Variants in PSMF1 observed in about 807,000 individuals in gnomAD.
The protein encoded by PSMF1 is proteasome inhibitor PI31 subunit.
In PSMF1, 30 loss-of-function variants were observed where a neutral mutation model predicts 29.3. The ratio of observed to expected loss-of-function variants is 1.02; its 90% CI spans 0.77 to 1.39. PSMF1 has a LOEUF of 1.39. PSMF1 is among the 40% of genes most tolerant of loss of function. The pLI, the probability that PSMF1 is intolerant of heterozygous loss-of-function variation, is 0.00. For synonymous variants in PSMF1, 134 were observed against 139.7 expected, an observed-to-expected ratio of 0.96 and a Z score of 0.29; for missense variants, 344 against 357.5, an observed-to-expected ratio of 0.96 and a Z score of 0.31.
chr20:1,123,334 A>C (rs2086113982), intron 1 of PSMF1, among the ~76,000 whole-genome samples: 1 of 151,598 alleles, frequency 6.6e-6, no homozygotes, highest in Non-Finnish European at 1.5e-5. Flanking sequence ...TGTCTTTTCC[A>C]TTTTCTTCAT....
At chr20:1,147,979 T>C (rs74871431) in intron 4 of PSMF1, among the ~76,000 whole-genome samples, 4,910 of 152,324 alleles carry the variant, frequency 0.032, 117 homozygotes, top group Non-Finnish European at 0.045. Flanking sequence ...AGCAGAAATA[T>C]CAGCCTCTGC....
At chr20:1,155,497 A>T (rs1178004086) in intron 4 of PSMF1, among the ~76,000 whole-genome samples, 1 of 152,208 alleles carries the variant, frequency 6.6e-6, no homozygotes, top group Non-Finnish European at 1.5e-5. Flanking sequence ...GAGCAGGTAA[A>T]GCCCCAGCTT....
chr20:1,144,582 A>G (rs2086425383), intron 4 of PSMF1, among the ~76,000 whole-genome samples: 1 of 152,246 alleles, frequency 6.6e-6, no homozygotes, highest in Non-Finnish European at 1.5e-5. Flanking sequence ...CATACTGTGG[A>G]ATACCACTCG....
Position 1,168,911 on chromosome 20 carries a change from A to T in PSMF1, c.*3831A>T, listed in dbSNP as rs2086761682. On this transcript the variant is annotated 3_prime_UTR_variant, in exon 7 of 7. Coordinates refer to ENST00000335877, the MANE Select transcript of PSMF1 (RefSeq NM_006814.5). ...CAGCTGTTTCTGTCATAAAACTTGC[A>T]TGTGTATAAACCACTATTGACTTTT... is the stretch of plus-strand genomic sequence containing the variant. Among the ~76,000 whole-genome samples, 1 of 152,192 alleles carries T rather than the reference A, an allele frequency of 6.6e-6. No homozygotes were observed. Among genetic ancestry groups the T allele is most frequent in the African/African-American group, 2.4e-5 (1 of 41,444 alleles).
In PSMF1 at chr20:1,165,099, A is replaced by G; in HGVS notation, c.*19A>G. On this transcript the variant is annotated 3_prime_UTR_variant, in exon 7 of 7. Coordinates refer to ENST00000335877, the MANE Select transcript of PSMF1 (RefSeq NM_006814.5). ...CCTGTGAAGGCCTCAAGAATGTAAC[A>G]TCCCAGGCTTCCCTCCATTCTCCTG... 6.2e-7 allele frequency: 1 copy of G among 1,614,126 alleles called. No homozygotes were observed.
At chr20:1,136,673 G>T (rs949632997) in intron 4 of PSMF1, among the ~76,000 whole-genome samples, 9 of 152,178 alleles carry the variant, frequency 5.9e-5, no homozygotes, top group African/African-American at 2.2e-4. Flanking sequence ...GTACACTGGA[G>T]AGCATGGATG....
At chr20:1,146,959 G>A (rs1315170272) in intron 4 of PSMF1, among the ~76,000 whole-genome samples, 1 of 152,132 alleles carries the variant, frequency 6.6e-6, no homozygotes, top group Non-Finnish European at 1.5e-5. Flanking sequence ...AAATGTGAAG[G>A]TGTAATGAGT....
chr20:1,119,025 T>G, intron 1 of PSMF1, 123 bp downstream of exon 1: 1 of 1,319,636 alleles, frequency 7.6e-7, no homozygotes, highest in Non-Finnish European at 1.0e-6. Context: ...CTGGGGCAGA[T>G]GGCAGCGTTG....
intron 3 of PSMF1, 58 bp downstream of exon 3, chr20:1,127,566 A>G: frequency 7.2e-7 from 1 of 1,381,602 alleles, no homozygotes; most frequent in South Asian, 1.2e-5. Flanking sequence ...ATGGCAAGAT[A>G]TGAGGAATAG....
intron 1 of PSMF1, among the ~76,000 whole-genome samples, chr20:1,125,174 G>A (rs1184049291): frequency 3.9e-5 from 6 of 152,234 alleles, no homozygotes; most frequent in African/African-American, 1.4e-4. Flanking sequence ...GAACTTCGCA[G>A]TGTTCCTCAA....
At chr20:1,130,987 A>C (rs934960757) in intron 3 of PSMF1, among the ~76,000 whole-genome samples, 3 of 152,104 alleles carry the variant, frequency 2.0e-5, no homozygotes, top group African/African-American at 7.2e-5. Context: ...CAATAGACAA[A>C]GGGAGGGAAG....
chr20:1,133,570 T>TATATATATATATATATATATATATATA (rs1555760108), intron 3 of PSMF1, among the ~76,000 whole-genome samples: 6 of 63,136 alleles, frequency 9.5e-5, no homozygotes, highest in Admixed American at 3.4e-4. Flanking sequence ...TATATATATA[T>TATATATATATATATATATATATATATA]TTTTTTTTTT....
rs1482168228 is a variant in PSMF1 at position 1,166,117 on chromosome 20, AG to A, written c.*1039del. 1.1e-5 allele frequency: 17 copies of A among 1,556,122 alleles called. No individual in the cohort carries two copies. Among genetic ancestry groups the A allele is most frequent in the South Asian group, 9.5e-5 (8 of 84,434 alleles). ...ACCCCATGGGGCCCAGACAGAGCAC[AG>A]GAGCATGGGCTGCCTCTGAGTGTGG... On this transcript the variant is annotated 3_prime_UTR_variant, in exon 7 of 7. Coordinates refer to ENST00000335877, the MANE Select transcript of PSMF1 (RefSeq NM_006814.5).
intron 4 of PSMF1, among the ~76,000 whole-genome samples, chr20:1,138,407 C>G (rs907804093): frequency 2.6e-5 from 4 of 151,800 alleles, no homozygotes; most frequent in African/African-American, 9.7e-5. Context: ...GCCTGTAATC[C>G]CTGCATTTGG....
At chr20:1,139,744 C>CA (rs34942443) in intron 4 of PSMF1, among the ~76,000 whole-genome samples, 146 of 34,202 alleles carry the variant, frequency 4.3e-3, no homozygotes, top group African/African-American at 6.3e-3. Context: ...GACTCCATCT[C>CA]AAAAAAAAAA....
intron 4 of PSMF1, among the ~76,000 whole-genome samples, chr20:1,151,176 T>C (rs538844047): frequency 6.6e-6 from 1 of 152,348 alleles, no homozygotes; most frequent in Admixed American, 6.5e-5. Flanking sequence ...TTTATACAGC[T>C]ACTGTTTATT....
chr20:1,121,952 T>A (rs1282825725), intron 1 of PSMF1, among the ~76,000 whole-genome samples: 1 of 152,172 alleles, frequency 6.6e-6, no homozygotes, highest in African/African-American at 2.4e-5. Flanking sequence ...GAGAATTTTG[T>A]TTTCTGTTGT....
chr20:1,164,881 G>C lies in PSMF1; in HGVS notation c.765-148G>C. 1 of 742,382 alleles carries C rather than the reference G, an allele frequency of 1.3e-6. No homozygotes were observed. Among genetic ancestry groups the C allele is most frequent in the Admixed American group, 2.3e-5 (1 of 42,640 alleles). The allele number at this position is 742,382 out of a possible 1,614,324, so 46.0% of individuals were successfully genotyped here. On this transcript the variant is annotated intron_variant, in intron 6 of 6. Transcript: ENST00000335877. The surrounding 1 kb of genome is among the most constrained non-coding windows in gnomAD (Gnocchi z 4.1). ...CGGGGGAGTCAGGATTCAAACCCCGGTTGTCTGGCTCTTGAGTGCATGTGT... is the reference window on the plus strand; with the variant it reads ...CGGGGGAGTCAGGATTCAAACCCCGCTTGTCTGGCTCTTGAGTGCATGTGT...
rs1600179197 is a variant in PSMF1 at position 1,166,083 on chromosome 20, G to T, written c.*1003G>T. 4 of 1,519,694 alleles carry T rather than the reference G, an allele frequency of 2.6e-6. No homozygotes were observed. In the South Asian group the frequency reaches 3.7e-5, roughly 14 times the overall value. 94.1% of individuals were successfully genotyped at this position (1,519,694 alleles called of 1,614,324 possible). ...TTGTGTGGTTCTTGCCTAACTCTGT[G>T]GTTTTTGGACCCCATGGGGCCCAGA... On this transcript the variant is annotated 3_prime_UTR_variant, in exon 7 of 7. Transcript: ENST00000335877.
Sources: gnomAD v4.1 joint callset for allele counts (sites outside exome capture counted in the v4.1 genomes callset) on GRCh38, gnomAD v4.1.1 for gene constraint, Gnocchi (gnomAD v3.1) non-coding constraint, MANE v1.5 for transcripts, NCBI Gene and HGNC (gene_info 2026-07-23, HGNC 2026-07-21) for gene names.